Variants in ADCYAP1R1 observed in about 807,000 individuals in gnomAD.
ADCYAP1R1 encodes ADCYAP receptor type I, also known as pituitary adenylate cyclase-activating polypeptide type I receptor.
Under a neutral mutation model 67.6 loss-of-function variants are expected in ADCYAP1R1, and 44 were observed. The observed-to-expected ratio is 0.65, with a 90% CI of 0.51 to 0.84. ADCYAP1R1 has a LOEUF of 0.84. ADCYAP1R1 is among the 40% of genes least tolerant of loss of function. ADCYAP1R1 has a pLI of 0.00. For missense variants in ADCYAP1R1, 477 were observed against 587.9 expected, an observed-to-expected ratio of 0.81 and a Z score of 1.95; for synonymous variants, 222 against 219.6, an observed-to-expected ratio of 1.01 and a Z score of -0.10.
rs768918526 is a variant in ADCYAP1R1 at position 31,109,782 on chromosome 7, G to C, written c.*3098G>C. ...TCAAGGATGCTGAGGCTGTCAGGGA[G>C]CCAGAGAGGGGGGTCCAAGTGCGGG... On this transcript the variant is annotated 3_prime_UTR_variant, in exon 16 of 16. Coordinates refer to ENST00000304166, the MANE Select transcript of ADCYAP1R1 (RefSeq NM_001118.5). The C allele has an allele frequency of 6.6e-6, 1 of 152,500 alleles. No individual in the cohort carries two copies. Among genetic ancestry groups the C allele is most frequent in the Non-Finnish European group, 1.5e-5 (1 of 68,120 alleles). 9.4% of individuals were successfully genotyped at this position (152,500 alleles called of 1,614,324 possible).
In ADCYAP1R1 at chr7:31,104,852, T is replaced by C; in HGVS notation, c.1177-16T>C. 6.2e-7 allele frequency: 1 copy of C among 1,614,090 alleles called. No individual in the cohort carries two copies. Among genetic ancestry groups the C allele is most frequent in the Non-Finnish European group, 8.5e-7 (1 of 1,179,934 alleles). Reference sequence around the variant, plus strand: ...TCCTTTGCTAGCATCCTCAGGCTTATTTTCTCTATTCCCAGGGCTTTGTGG... The same window carrying C: ...TCCTTTGCTAGCATCCTCAGGCTTACTTTCTCTATTCCCAGGGCTTTGTGG... On this transcript the variant is annotated splice_polypyrimidine_tract_variant and intron_variant, in intron 14 of 15. Coordinates refer to ENST00000304166, the MANE Select transcript of ADCYAP1R1 (RefSeq NM_001118.5).
intron 1 of ADCYAP1R1, chr7:31,056,857 C>T (rs990964438): frequency 2.0e-5 from 3 of 152,360 alleles, no homozygotes; most frequent in Admixed American, 6.5e-5. Flanking sequence ...TCATCCACCT[C>T]ATCACCTCCT....
At chr7:31,093,922 G>C (rs1274060260) in intron 13 of ADCYAP1R1, among the ~76,000 whole-genome samples, 2 of 152,014 alleles carry the variant, frequency 1.3e-5, no homozygotes, top group Non-Finnish European at 2.9e-5. Flanking sequence ...ACTGCTCGGA[G>C]ACCAAATCCT....
At chr7:31,087,537 C>T (rs975160625) in intron 11 of ADCYAP1R1, 90 bp from the exon 12 acceptor site, 24 of 1,174,648 alleles carry the variant, frequency 2.0e-5, no homozygotes, top group African/African-American at 7.6e-5. Flanking sequence ...GTGAAAGTGT[C>T]GGGCACCCAG....
chr7:31,085,371 G>T lies in ADCYAP1R1; in HGVS notation c.598G>T (p.Ala200Ser), dbSNP rs776994698. ...MNLFVSFMLR[A>S]ISVFIKDWIL... is the part of the protein sequence containing the mutation. ...CCTGTTTGTGTCGTTCATGCTGAGG[G>T]CGATCTCCGTCTTCATCAAAGACTG... Residue 200 changes from alanine (A) to serine (S), a missense_variant, in exon 9 of 16, where the codon GCG (alanine) becomes TCG (serine). Transcript: ENST00000304166. 3 of 1,613,964 alleles carry T rather than the reference G, an allele frequency of 1.9e-6. No homozygotes were observed. The South Asian group carries it at 3.3e-5, about 18-fold the overall frequency.
rs542685926 is a variant in ADCYAP1R1 at position 31,087,974 on chromosome 7, G to A, written c.954+278G>A. ...TCTTTAGAATAAATCCTTAGAAGTGGAATTGCTGGGTTGAAAGGGGTACAC... is the reference window on the plus strand; with the variant it reads ...TCTTTAGAATAAATCCTTAGAAGTGAAATTGCTGGGTTGAAAGGGGTACAC... On this transcript the variant is annotated intron_variant, in intron 12 of 15. Coordinates refer to ENST00000304166, the MANE Select transcript of ADCYAP1R1 (RefSeq NM_001118.5). 4.6e-5 allele frequency among the ~76,000 whole-genome samples: 7 copies of A among 152,314 alleles called. No individual in the cohort carries two copies. In the East Asian group the frequency reaches 1.3e-3, roughly 29 times the overall value.
intron 6 of ADCYAP1R1, 71 bp from the exon 7 acceptor site, chr7:31,084,070 A>C: frequency 7.2e-7 from 1 of 1,381,622 alleles, no homozygotes; most frequent in Non-Finnish European, 1.0e-6. Context: ...CTGAATACGT[A>C]ATTTTTGCAT....
chr7:31,077,385 G>A (rs1795285246), intron 3 of ADCYAP1R1, among the ~76,000 whole-genome samples: 1 of 149,988 alleles, frequency 6.7e-6, no homozygotes, highest in South Asian at 2.1e-4. Context: ...GGTGTGAGTG[G>A]TGTGTATGTG....
chr7:31,086,612 C>A lies in ADCYAP1R1; in HGVS notation c.823+75C>A, dbSNP rs1321781121. On this transcript the variant is annotated intron_variant, in intron 10 of 15. Transcript: ENST00000304166. This position sits in a 1 kb window ranked among gnomAD's most constrained non-coding sequence, Gnocchi z 5.0. ...TGTCCAGGTGTGTCTTTGGTTCCAT[C>A]TTCAGGAAGTGTCAGGTGAGGAGGG... The A allele has an allele frequency of 2.5e-6, 4 of 1,569,240 alleles. No homozygotes were observed. The Admixed American group carries it at 6.9e-5, about 27-fold the overall frequency.
chr7:31,094,767 A>G (rs558791659), intron 13 of ADCYAP1R1, among the ~76,000 whole-genome samples: 1 of 152,248 alleles, frequency 6.6e-6, no homozygotes, highest in Admixed American at 6.5e-5. Context: ...CCTCATGCAT[A>G]GATAAGAGCT....
intron 13 of ADCYAP1R1, among the ~76,000 whole-genome samples, chr7:31,093,441 G>T: frequency 6.6e-6 from 1 of 152,132 alleles, no homozygotes; most frequent in Non-Finnish European, 1.5e-5. Context: ...ATCTTTGCCT[G>T]CCCTTTCCCA....
intron 14 of ADCYAP1R1, among the ~76,000 whole-genome samples, chr7:31,103,772 G>C (rs1328990679): frequency 6.6e-6 from 1 of 152,126 alleles, no homozygotes; most frequent in Non-Finnish European, 1.5e-5. Flanking sequence ...AGAGAGCCCA[G>C]TGAGCTGCAC....
intron 12 of ADCYAP1R1, among the ~76,000 whole-genome samples, chr7:31,092,241 G>A (rs1795990426): frequency 6.6e-6 from 1 of 151,062 alleles, no homozygotes. Context: ...GCTTATGGCT[G>A]TCCATTCTGG....
chr7:31,092,079 A>G (rs928218083), intron 12 of ADCYAP1R1, among the ~76,000 whole-genome samples: 1 of 147,346 alleles, frequency 6.8e-6, no homozygotes, highest in Non-Finnish European at 1.5e-5. Context: ...GAGTCCTGTC[A>G]TTGTGCCTTG....
rs538456724 is a variant in ADCYAP1R1, at chr7:31,111,439, T to C, written c.*4755T>C. On this transcript the variant is annotated 3_prime_UTR_variant, in exon 16 of 16. Coordinates refer to ENST00000304166, the MANE Select transcript of ADCYAP1R1 (RefSeq NM_001118.5). ...GTCCAGGATTTTAAGGATGTCAGAC[T>C]GCTGTAGATGACTCAATAAATGTTT... 1 of 152,198 alleles carries C rather than the reference T, an allele frequency of 6.6e-6. No individual in the cohort carries two copies. Among genetic ancestry groups the C allele is most frequent in the African/African-American group, 2.4e-5 (1 of 41,424 alleles). 9.4% of individuals were successfully genotyped at this position (152,198 alleles called of 1,614,324 possible). A position where few individuals can be genotyped will look rare whatever the true frequency, so the allele number is the denominator to read the frequency against.
chr7:31,065,611 C>T (rs1562630120), intron 3 of ADCYAP1R1, among the ~76,000 whole-genome samples: 1 of 152,200 alleles, frequency 6.6e-6, no homozygotes, highest in African/African-American at 2.4e-5. Flanking sequence ...TGGTAAGAAC[C>T]AGTGGCCCCA....
At chr7:31,068,233 A>G (rs1414702377) in intron 3 of ADCYAP1R1, among the ~76,000 whole-genome samples, 2 of 152,124 alleles carry the variant, frequency 1.3e-5, no homozygotes, top group Non-Finnish European at 2.9e-5. Context: ...ACACACACAC[A>G]CACACGTACA....
At chr7:31,074,190 G>A (rs1266140490) in intron 3 of ADCYAP1R1, among the ~76,000 whole-genome samples, 1 of 152,192 alleles carries the variant, frequency 6.6e-6, no homozygotes. Context: ...GGTGGAGGGG[G>A]CGGTGACTGT....
chr7:31,103,191 G>C (rs752935580), intron 13 of ADCYAP1R1, 46 bp from the exon 14 acceptor site: 1 of 1,601,466 alleles, frequency 6.2e-7, no homozygotes, highest in South Asian at 1.1e-5. Context: ...CTCTGGCCCC[G>C]AGCCCTGGAA....
Sources: gnomAD v4.1 joint callset for allele counts (sites outside exome capture counted in the v4.1 genomes callset) on GRCh38, gnomAD v4.1.1 for gene constraint, Gnocchi (gnomAD v3.1) non-coding constraint, MANE v1.5 for transcripts, NCBI Gene and HGNC (gene_info 2026-07-23, HGNC 2026-07-21) for gene names.